SLC8A1: variants seen among roughly 807,000 people sequenced by gnomAD.
SLC8A1 encodes the protein solute carrier family 8 member A1, also known as sodium/calcium exchanger 1.
Under a neutral mutation model 68.3 loss-of-function variants are expected in SLC8A1, and 18 were observed. The observed-to-expected ratio is 0.26, with a 90% CI of 0.18 to 0.39. The LOEUF is 0.39. Among genes scored for constraint, SLC8A1 ranks in the 10% least tolerant of loss-of-function variants. SLC8A1 has a pLI of 1.00. For missense variants in SLC8A1, 985 were observed against 1,156.7 expected (o/e 0.85, Z 2.15); for synonymous variants, 475 against 415.5 (o/e 1.14, Z -1.74).
chr2:40,405,440 G>C (rs1205671121), intron 2 of SLC8A1, among the ~76,000 whole-genome samples: 2 of 152,172 alleles, frequency 1.3e-5, no homozygotes, highest in South Asian at 2.1e-4. Flanking sequence ...TTTTAAAAGA[G>C]CTTGCCTTTA....
intron 2 of SLC8A1, among the ~76,000 whole-genome samples, chr2:40,234,374 G>T (rs1198281273): frequency 6.6e-6 from 1 of 152,010 alleles, no homozygotes; most frequent in East Asian, 1.9e-4. Context: ...GTGAATGGGA[G>T]TTCACTCATG....
intron 1 of SLC8A1, among the ~76,000 whole-genome samples, chr2:40,506,149 G>C (rs1412831856): frequency 1.4e-5 from 2 of 144,262 alleles, no homozygotes; most frequent in Non-Finnish European, 3.0e-5. Flanking sequence ...CTTCACCAAA[G>C]ATATGAAAAG....
chr2:40,340,912 C>T (rs1375106941), intron 2 of SLC8A1, among the ~76,000 whole-genome samples: 1 of 152,152 alleles, frequency 6.6e-6, no homozygotes, highest in African/African-American at 2.4e-5. Context: ...GTACTAAAGG[C>T]TTTGATTCCT....
At chr2:40,195,944 A>G (rs2052909199) in intron 2 of SLC8A1, 1 of 152,028 alleles carries the variant, frequency 6.6e-6, no homozygotes, top group Non-Finnish European at 1.5e-5. Context: ...AGAGTGTAAA[A>G]GAGTAAAGGG....
In SLC8A1 at chr2:40,451,741, A is replaced by T. The variant is rs1005595523; in HGVS notation, c.-25+163T>A. On this transcript the variant is annotated intron_variant, in intron 1 of 7. Coordinates refer to ENST00000406785, the Ensembl canonical transcript of SLC8A1. ...TGCAGGCGCGCACACACCACATCAC[A>T]CACACACACACACACACACACACAC... 4.3e-4 allele frequency among the ~76,000 whole-genome samples: 29 copies of T among 67,876 alleles called. No homozygotes were observed. In the East Asian group the frequency reaches 8.2e-3, roughly 19 times the overall value. The allele number at this position is 67,876 out of a possible 152,430, so 44.5% of individuals were successfully genotyped here.
chr2:40,418,735 A>T (rs1281744418), intron 2 of SLC8A1, among the ~76,000 whole-genome samples: 1 of 152,166 alleles, frequency 6.6e-6, no homozygotes, highest in Non-Finnish European at 1.5e-5. Context: ...TATTGCCATG[A>T]AAAACGAATC....
chr2:40,181,829 A>G (rs13015844), intron 2 of SLC8A1, among the ~76,000 whole-genome samples: 3,178 of 152,302 alleles, frequency 0.021, 63 homozygotes, highest in African/African-American at 0.051. Context: ...ACACATCCTT[A>G]GGATGTCTCC....
intron 2 of SLC8A1, among the ~76,000 whole-genome samples, chr2:40,337,910 A>G (rs990248015): frequency 1.3e-5 from 2 of 152,174 alleles, no homozygotes; most frequent in African/African-American, 4.8e-5. Context: ...ATGTCTTACT[A>G]GTATTTAGTT....
chr2:40,132,427 T>G (rs1341545067), intron 7 of SLC8A1, among the ~76,000 whole-genome samples: 3 of 152,096 alleles, frequency 2.0e-5, no homozygotes, highest in Non-Finnish European at 2.9e-5. Flanking sequence ...CCAGGCATAT[T>G]GTACCCTATA....
At position 40,233,914 on chromosome 2, in the gene SLC8A1, C is replaced by T. The variant is rs546024225; in HGVS notation, c.1809-56059G>A. On this transcript the variant is annotated intron_variant, in intron 2 of 7. Transcript: ENST00000406785. ...CAAAGATCAGATAGTTGTAGATATG[C>T]GGCATTATTTCTGAGGGCTCTGTTC... Among the ~76,000 whole-genome samples, 304 of 151,364 alleles carry T rather than the reference C, an allele frequency of 2.0e-3. 1 individual carries two copies. Among genetic ancestry groups the T allele is most frequent in the Middle Eastern group, 6.8e-3 (2 of 294 alleles).
intron 1 of SLC8A1, among the ~76,000 whole-genome samples, chr2:40,458,554 C>G (rs867037756): frequency 4.6e-5 from 7 of 152,250 alleles, no homozygotes; most frequent in African/African-American, 1.2e-4. Flanking sequence ...CTCTTTGTGG[C>G]TGCAGTTCAG....
intron 6 of SLC8A1, among the ~76,000 whole-genome samples, chr2:40,157,547 C>T (rs540945441): frequency 1.3e-5 from 2 of 152,282 alleles, no homozygotes; most frequent in South Asian, 4.1e-4. Context: ...TAATGTTTGC[C>T]CTCTTCTCTG....
chr2:40,483,320 G>A (rs1704760690), intron 1 of SLC8A1, among the ~76,000 whole-genome samples: 1 of 151,602 alleles, frequency 6.6e-6, no homozygotes, highest in African/African-American at 2.4e-5. Context: ...GTCTCTAGGT[G>A]ATTAAAAGAT....
chr2:40,098,693 G>C (rs2033716340), exon 8 of SLC8A1: 1 of 151,976 alleles, frequency 6.6e-6, no homozygotes, highest in Admixed American at 6.6e-5. Context: ...TTCTAATCTA[G>C]CATTATGCAG....
chr2:40,185,737 T>C (rs1006672144), intron 2 of SLC8A1, among the ~76,000 whole-genome samples: 4 of 152,182 alleles, frequency 2.6e-5, no homozygotes, highest in African/African-American at 7.2e-5. Context: ...TTTTAAATGG[T>C]TGAATCCTAT....
intron 2 of SLC8A1, among the ~76,000 whole-genome samples, chr2:40,241,709 C>A (rs2061246478): frequency 6.6e-6 from 1 of 151,974 alleles, no homozygotes; most frequent in South Asian, 2.1e-4. Context: ...GAGCCTGGGA[C>A]AGACACCCAT....
intron 2 of SLC8A1, among the ~76,000 whole-genome samples, chr2:40,373,932 G>C (rs1678973317): frequency 6.6e-6 from 1 of 152,064 alleles, no homozygotes; most frequent in African/African-American, 2.4e-5. Context: ...AAATGGACTA[G>C]AAGGCAACTT....
intron 6 of SLC8A1, among the ~76,000 whole-genome samples, chr2:40,148,311 C>T (rs192713653): frequency 3.3e-5 from 5 of 152,272 alleles, no homozygotes; most frequent in South Asian, 2.1e-4. Flanking sequence ...GTGGGATTCT[C>T]CTCATTTTGG....
chr2:40,153,293 C>T (rs565492919), intron 6 of SLC8A1, among the ~76,000 whole-genome samples: 4 of 152,286 alleles, frequency 2.6e-5, no homozygotes, highest in Admixed American at 2.6e-4. Context: ...ACAAGGTCAT[C>T]TCTTCTAATG....
Sources: gnomAD v4.1 joint callset for allele counts (sites outside exome capture counted in the v4.1 genomes callset) on GRCh38, gnomAD v4.1.1 for gene constraint, MANE v1.5 for transcripts, NCBI Gene and HGNC (gene_info 2026-07-23, HGNC 2026-07-21) for gene names.